CCDC126: variants seen among roughly 807,000 people sequenced by gnomAD.
CCDC126 encodes the protein coiled-coil domain-containing protein 126.
Under a neutral mutation model 11.7 loss-of-function variants are expected in CCDC126, and 5 were observed. The observed-to-expected ratio is 0.43, with a 90% confidence interval of 0.22 to 0.90. CCDC126 has a LOEUF of 0.90. Ranked by LOEUF, CCDC126 falls within the 40% of genes least tolerant of loss-of-function variation. The pLI is 0.27. For synonymous variants in CCDC126, 60 were observed against 61.9 expected (o/e 0.97, Z 0.14); for missense variants, 150 against 163.1 (o/e 0.92, Z 0.44).
At chr7:23,642,755 T>G (rs904042261) in intron 3 of CCDC126, among the ~76,000 whole-genome samples, 176 bp from the exon 4 acceptor site, 1 of 148,172 alleles carries the variant, frequency 6.7e-6, no homozygotes, top group African/African-American at 2.5e-5. Context: ...AGAGGGAAAC[T>G]CCATCTCAAA....
At chr7:23,622,119 C>G (rs546681686) in intron 3 of CCDC126, among the ~76,000 whole-genome samples, 1 of 152,246 alleles carries the variant, frequency 6.6e-6, no homozygotes, top group African/African-American at 2.4e-5. Context: ...GAGGATTCCC[C>G]CTTTTTCAGT....
chr7:23,635,700 C>T (rs1783196648), intron 3 of CCDC126, among the ~76,000 whole-genome samples: 1 of 152,136 alleles, frequency 6.6e-6, no homozygotes, highest in Admixed American at 6.5e-5. Context: ...GTAAAGTTAT[C>T]ATATAGTTGT....
chr7:23,642,015 G>C (rs1349465412), intron 3 of CCDC126, among the ~76,000 whole-genome samples: 1 of 151,900 alleles, frequency 6.6e-6, no homozygotes, highest in Non-Finnish European at 1.5e-5. Flanking sequence ...GTGTTTTTTT[G>C]GTTTTTTGTT....
intron 3 of CCDC126, among the ~76,000 whole-genome samples, chr7:23,617,064 T>C (rs1782805221): frequency 6.6e-6 from 1 of 152,144 alleles, no homozygotes; most frequent in African/African-American, 2.4e-5. Flanking sequence ...GAGCTATCTT[T>C]TGGGCTGGGC....
In CCDC126 at chr7:23,605,982, G is replaced by GTT. The variant is rs549336339; in HGVS notation, c.-145-5181_-145-5180dup. Reference sequence around the variant, plus strand: ...ACATCCTTGCCAACACTTGTTTTCTGTTTTTTTTTGTGTGTGTGTGTGTGT... The same window carrying GTT: ...ACATCCTTGCCAACACTTGTTTTCTGTTTTTTTTTTTGTGTGTGTGTGTGTGT... On this transcript the variant is annotated intron_variant, in intron 2 of 3. Transcript: ENST00000307471. Among the ~76,000 whole-genome samples the GTT allele has an allele frequency of 1.3e-3, 189 of 149,948 alleles. 1 individual carries two copies. The Middle Eastern group carries it at 0.014, about 11-fold the overall frequency.
chr7:23,634,724 G>A (rs1169999272), intron 3 of CCDC126, among the ~76,000 whole-genome samples: 4 of 152,194 alleles, frequency 2.6e-5, no homozygotes, highest in African/African-American at 9.7e-5. Context: ...AGGAAGGGAA[G>A]GTATTTTTTC....
chr7:23,628,739 C>T (rs189053144), intron 3 of CCDC126, among the ~76,000 whole-genome samples: 68 of 152,254 alleles, frequency 4.5e-4, no homozygotes, highest in South Asian at 1.0e-3. Flanking sequence ...ATGGCAGTAA[C>T]GAACTGTTCA....
intron 3 of CCDC126, among the ~76,000 whole-genome samples, chr7:23,617,103 C>G (rs1033398450): frequency 6.6e-6 from 1 of 151,890 alleles, no homozygotes; most frequent in Admixed American, 6.6e-5. Context: ...AATCCTAGCA[C>G]TTTGGGAGGC....
intron 3 of CCDC126, among the ~76,000 whole-genome samples, chr7:23,632,001 G>T (rs759686197): frequency 6.6e-6 from 1 of 151,060 alleles, no homozygotes; most frequent in East Asian, 1.9e-4. Flanking sequence ...AAAAACTGCA[G>T]ATCAAAATTC....
chr7:23,606,793 G>T (rs1157551604), intron 2 of CCDC126, among the ~76,000 whole-genome samples: 1 of 152,108 alleles, frequency 6.6e-6, no homozygotes, highest in East Asian at 1.9e-4. Context: ...TAAAACTCCA[G>T]ACCAGGCACA....
At chr7:23,633,210 TG>T (rs1783146097) in intron 3 of CCDC126, among the ~76,000 whole-genome samples, 1 of 152,184 alleles carries the variant, frequency 6.6e-6, no homozygotes, top group South Asian at 2.1e-4. Flanking sequence ...CGGGCTGGTC[TG>T]GAACTCCCAA....
chr7:23,622,896 C>T (rs1276516776), intron 3 of CCDC126: 6 of 347,034 alleles, frequency 1.7e-5, no homozygotes, highest in Non-Finnish European at 3.4e-5. Flanking sequence ...ATTACACATG[C>T]AGTAACATGA....
intron 3 of CCDC126, among the ~76,000 whole-genome samples, chr7:23,628,282 C>T (rs1480851052): frequency 1.3e-5 from 2 of 152,140 alleles, no homozygotes; most frequent in African/African-American, 4.8e-5. Flanking sequence ...GTCAGACAGT[C>T]TAGGGACCTC....
intron 3 of CCDC126, among the ~76,000 whole-genome samples, chr7:23,623,536 T>C (rs1782961841): frequency 1.4e-5 from 2 of 147,378 alleles, no homozygotes; most frequent in African/African-American, 5.1e-5. Flanking sequence ...GCAGAGGTTG[T>C]GGTGGGCCGA....
At chr7:23,632,774 C>G (rs1265942681) in intron 3 of CCDC126, among the ~76,000 whole-genome samples, 3 of 152,118 alleles carry the variant, frequency 2.0e-5, no homozygotes, top group African/African-American at 7.2e-5. Flanking sequence ...CCTTGTATTC[C>G]AGATACGTTA....
chr7:23,629,586 C>T (rs1029742795), intron 3 of CCDC126, among the ~76,000 whole-genome samples: 72 of 150,344 alleles, frequency 4.8e-4, no homozygotes, highest in African/African-American at 1.7e-3. Context: ...ATGAAAAAGA[C>T]ACCTTCAAAA....
chr7:23,605,498 A>C (rs1782609149), intron 2 of CCDC126, among the ~76,000 whole-genome samples: 1 of 151,976 alleles, frequency 6.6e-6, no homozygotes, highest in African/African-American at 2.4e-5. Context: ...TGTACAGTTC[A>C]GTGACATTAA....
chr7:23,633,801 C>T (rs1277875836), intron 3 of CCDC126, among the ~76,000 whole-genome samples: 5 of 151,774 alleles, frequency 3.3e-5, no homozygotes, highest in East Asian at 1.9e-4. Context: ...TGCAATGAGC[C>T]GAGATTGTAC....
At chr7:23,639,973 C>T (rs1783324618) in intron 3 of CCDC126, among the ~76,000 whole-genome samples, 1 of 151,660 alleles carries the variant, frequency 6.6e-6, no homozygotes, top group Admixed American at 6.6e-5. Context: ...GTCAGGAGTT[C>T]GAGACCAGAG....
Sources: allele counts gnomAD v4.1 joint callset (sites outside exome capture counted in the v4.1 genomes callset), GRCh38; gene constraint gnomAD v4.1.1; transcripts MANE v1.5; gene names NCBI Gene and HGNC (gene_info 2026-07-23, HGNC 2026-07-21).